Variants in SETBP1 observed in about 807,000 individuals in gnomAD.
SETBP1 encodes the protein SET binding protein 1, also known as SET-binding protein.
A neutral mutation model predicts 101.0 loss-of-function variants in SETBP1; 9 were observed. The observed-to-expected ratio is 0.09, with a 90% CI of 0.05 to 0.16. The LOEUF (loss-of-function observed/expected upper bound fraction) is 0.16. Ranked by LOEUF, SETBP1 falls within the 10% of genes least tolerant of loss-of-function variation. SETBP1 has a pLI of 1.00. For missense variants in SETBP1, 1,858 were observed against 2,033.8 expected (o/e 0.91, Z 1.66); for synonymous variants, 818 against 788.5 (o/e 1.04, Z -0.63).
chr18:44,777,748 AGG>A (rs1302503065), intron 2 of SETBP1, among the ~76,000 whole-genome samples: 1 of 152,258 alleles, frequency 6.6e-6, no homozygotes, highest in Non-Finnish European at 1.5e-5. Flanking sequence ...TGATAAAAAC[AGG>A]CCAAAAGAGG....
At chr18:44,856,804 T>C (rs552151026) in intron 2 of SETBP1, among the ~76,000 whole-genome samples, 3 of 152,348 alleles carry the variant, frequency 2.0e-5, no homozygotes, top group South Asian at 2.1e-4. Context: ...GCTGTTAACA[T>C]GCACATGTCT....
intron 5 of SETBP1, among the ~76,000 whole-genome samples, chr18:45,061,033 T>G (rs2073883372): frequency 6.6e-6 from 1 of 152,226 alleles, no homozygotes; most frequent in African/African-American, 2.4e-5. Context: ...CCTCTATGAC[T>G]GATATAAACT....
At position 44,886,985 on chromosome 18, in the gene SETBP1, G is replaced by A. The variant is rs192118046; in HGVS notation, c.540+17702G>A. Reference sequence around the variant, plus strand: ...CTTGTTGGCTGAATGAATGAGTGAAGGAATTGGTAAATTAGTGAGTAGTGT... The same window carrying A: ...CTTGTTGGCTGAATGAATGAGTGAAAGAATTGGTAAATTAGTGAGTAGTGT... On this transcript the variant is annotated intron_variant, in intron 3 of 5. Coordinates refer to ENST00000649279, the MANE Select transcript of SETBP1 (RefSeq NM_015559.3). Among the ~76,000 whole-genome samples the A allele has an allele frequency of 3.0e-4, 46 of 152,144 alleles. 1 individual carries two copies. The East Asian group carries it at 8.5e-3, about 28-fold the overall frequency.
intron 2 of SETBP1, among the ~76,000 whole-genome samples, chr18:44,850,814 C>G (rs2072838907): frequency 6.6e-6 from 1 of 152,226 alleles, no homozygotes. Flanking sequence ...GCCTCACTGA[C>G]CATGTCAAAA....
chr18:44,938,856 AG>A, intron 3 of SETBP1, among the ~76,000 whole-genome samples: 1 of 152,036 alleles, frequency 6.6e-6, no homozygotes, highest in Non-Finnish European at 1.5e-5. Flanking sequence ...GGGGAGAGTG[AG>A]GATCTGGGAA....
intron 3 of SETBP1, among the ~76,000 whole-genome samples, chr18:44,947,096 G>T (rs1348828144): frequency 6.6e-6 from 1 of 152,170 alleles, no homozygotes; most frequent in African/African-American, 2.4e-5. Context: ...CAAGCAAGAA[G>T]GGGAGACAGG....
chr18:44,720,900 A>G (rs1394464521), intron 2 of SETBP1, among the ~76,000 whole-genome samples: 1 of 101,204 alleles, frequency 9.9e-6, no homozygotes, highest in African/African-American at 3.9e-5. Context: ...GGAGCCCTCC[A>G]ACCCCCACCC....
At chr18:44,861,074 GT>G (rs1172851490) in intron 2 of SETBP1, among the ~76,000 whole-genome samples, 1 of 152,002 alleles carries the variant, frequency 6.6e-6, no homozygotes, top group Non-Finnish European at 1.5e-5. Context: ...ACCAGTAAAA[GT>G]TATGTTATTC....
intron 3 of SETBP1, among the ~76,000 whole-genome samples, chr18:44,908,815 G>A (rs1051081073): frequency 1.3e-5 from 2 of 152,174 alleles, no homozygotes; most frequent in Non-Finnish European, 2.9e-5. Flanking sequence ...ATGTCCTGTA[G>A]AGTACTTGTG....
rs544126130 is a variant in SETBP1 at position 44,810,280 on chromosome 18, G to A, written c.487-58950G>A. ...TGGGCCTCAATTCTACCTGGCGCAG[G>A]CCCTCCTTCCTGAACACCCATCTAA... On this transcript the variant is annotated intron_variant, in intron 2 of 5. Coordinates refer to ENST00000649279, the MANE Select transcript of SETBP1 (RefSeq NM_015559.3). Among the ~76,000 whole-genome samples, 17 of 152,288 alleles carry A rather than the reference G, an allele frequency of 1.1e-4. No homozygotes were observed. The East Asian group carries it at 3.1e-3, about 28-fold the overall frequency.
intron 4 of SETBP1, among the ~76,000 whole-genome samples, chr18:44,996,034 A>G (rs926095708): frequency 3.3e-5 from 5 of 152,242 alleles, no homozygotes; most frequent in Admixed American, 1.3e-4. Flanking sequence ...TCAAATTTCA[A>G]CAGGTCCACA....
intron 2 of SETBP1, among the ~76,000 whole-genome samples, chr18:44,756,180 G>A (rs1047666729): frequency 1.3e-5 from 2 of 150,750 alleles, no homozygotes; most frequent in Admixed American, 6.6e-5. Context: ...TCGTGCCACC[G>A]TACTCCAGCC....
chr18:44,683,572 A>G (rs900045576), intron 1 of SETBP1, among the ~76,000 whole-genome samples: 2 of 152,206 alleles, frequency 1.3e-5, no homozygotes, highest in African/African-American at 4.8e-5. Flanking sequence ...AGTTCTCTCA[A>G]TGTGGTCATT....
At chr18:44,890,476 A>G (rs2069743183) in intron 3 of SETBP1, among the ~76,000 whole-genome samples, 1 of 152,146 alleles carries the variant, frequency 6.6e-6, no homozygotes, top group African/African-American at 2.4e-5. Context: ...AGGCTCTTCC[A>G]TGGGAATCTT....
intron 4 of SETBP1, among the ~76,000 whole-genome samples, chr18:44,995,529 T>TTGTGTGTG (rs60256060): frequency 0.05 from 7,117 of 142,880 alleles, 182 homozygotes; most frequent in Non-Finnish European, 0.057. Flanking sequence ...GTCCAGGCTT[T>TTGTGTGTG]TGTGTGTGTG....
In SETBP1 at chr18:44,859,344, AGGCATGGCT is replaced by A. The variant is rs557993643; in HGVS notation, c.487-9881_487-9873del. ...TTTTACCTGCATGGTGAGTCACCTG[AGGCATGGCT>A]GGCAGTGGTACCAATGTCCCTGGGG... On this transcript the variant is annotated intron_variant, in intron 2 of 5. Coordinates refer to ENST00000649279, the MANE Select transcript of SETBP1 (RefSeq NM_015559.3). Among the ~76,000 whole-genome samples, 25 of 152,254 alleles carry A rather than the reference AGGCATGGCT, an allele frequency of 1.6e-4. 1 individual carries two copies. In the South Asian group the frequency reaches 4.8e-3, roughly 29 times the overall value.
intron 1 of SETBP1, among the ~76,000 whole-genome samples, chr18:44,688,562 C>T (rs369064470): frequency 3.3e-5 from 5 of 151,500 alleles, no homozygotes; most frequent in East Asian, 3.9e-4. Flanking sequence ...AAGCAATTCT[C>T]CTGCCTCAGC....
chr18:44,993,038 A>T (rs1443089344), intron 4 of SETBP1, among the ~76,000 whole-genome samples: 1 of 152,112 alleles, frequency 6.6e-6, no homozygotes, highest in Non-Finnish European at 1.5e-5. Context: ...CCATATTAAC[A>T]GAACAAAGGA....
chr18:44,732,333 G>T (rs1017646416), intron 2 of SETBP1, among the ~76,000 whole-genome samples: 1 of 152,128 alleles, frequency 6.6e-6, no homozygotes, highest in Non-Finnish European at 1.5e-5. Context: ...GACTGCAGAC[G>T]CCCTAAACCC....
Sources: gnomAD v4.1 joint callset for allele counts (sites outside exome capture counted in the v4.1 genomes callset) on GRCh38, gnomAD v4.1.1 for gene constraint, MANE v1.5 for transcripts, NCBI Gene and HGNC (gene_info 2026-07-23, HGNC 2026-07-21) for gene names.